BAZ2B: variants seen among roughly 807,000 people sequenced by gnomAD.
BAZ2B encodes bromodomain adjacent to zinc finger domain protein 2B.
BAZ2B carries 91 observed loss-of-function variants against 246.0 expected under a neutral mutation model. The observed-to-expected ratio is 0.37, with a 90% CI of 0.31 to 0.44. The LOEUF (loss-of-function observed/expected upper bound fraction) is 0.44, where lower values mean the gene tolerates loss of function less well. Among genes scored for constraint, BAZ2B ranks in the 20% least tolerant of loss-of-function variants. The pLI is 1.00. For synonymous variants in BAZ2B, 855 were observed against 860.0 expected (o/e 0.99, Z 0.10); for missense variants, 2,332 against 2,533.7 (o/e 0.92, Z 1.71).
intron 1 of BAZ2B, among the ~76,000 whole-genome samples, chr2:159,565,269 G>A (rs968339417): frequency 6.6e-6 from 1 of 152,190 alleles, no homozygotes; most frequent in Non-Finnish European, 1.5e-5. Flanking sequence ...GTGAGATGAG[G>A]ATATGAAAGC....
intron 31 of BAZ2B, among the ~76,000 whole-genome samples, chr2:159,345,720 A>G (rs2067668691): frequency 1.3e-5 from 2 of 149,816 alleles, no homozygotes; most frequent in South Asian, 2.1e-4. Context: ...GGCTTATGGA[A>G]CCAATCAAAT....
chr2:159,676,668 C>CACACACACAT, the BAZ2B span, among the ~76,000 whole-genome samples: 1 of 151,600 alleles, frequency 6.6e-6, no homozygotes, highest in African/African-American at 2.4e-5. Flanking sequence ...CACACACACA[C>CACACACACAT]ACACACACAC....
chr2:159,450,559 T>C (rs1045250501), intron 4 of BAZ2B, among the ~76,000 whole-genome samples: 1 of 152,146 alleles, frequency 6.6e-6, no homozygotes, highest in African/African-American at 2.4e-5. Context: ...TACTATTTCA[T>C]AGGAAATAAT....
At chr2:159,505,753 T>C (rs1289067265) in intron 2 of BAZ2B, among the ~76,000 whole-genome samples, 1 of 152,168 alleles carries the variant, frequency 6.6e-6, no homozygotes, top group African/African-American at 2.4e-5. Flanking sequence ...TTCATCATCA[T>C]CTTAAGCCCC....
the BAZ2B span, among the ~76,000 whole-genome samples, chr2:159,692,033 G>T: frequency 6.6e-6 from 1 of 152,096 alleles, no homozygotes; most frequent in African/African-American, 2.4e-5. Flanking sequence ...GTTTATATGT[G>T]TAAGTTTTGA....
At chr2:159,481,672 T>G (rs1229207565) in intron 2 of BAZ2B, among the ~76,000 whole-genome samples, 2 of 151,856 alleles carry the variant, frequency 1.3e-5, no homozygotes, top group East Asian at 3.9e-4. Flanking sequence ...GTGGTATTCT[T>G]CCCAAAACTA....
At chr2:159,551,984 G>A (rs970098683) in intron 2 of BAZ2B, among the ~76,000 whole-genome samples, 1 of 152,164 alleles carries the variant, frequency 6.6e-6, no homozygotes, top group Non-Finnish European at 1.5e-5. Flanking sequence ...ACTGACTCAT[G>A]ATCACATCAG....
intron 1 of BAZ2B, among the ~76,000 whole-genome samples, chr2:159,601,201 A>G (rs1692049172): frequency 6.6e-6 from 1 of 152,218 alleles, no homozygotes; most frequent in Non-Finnish European, 1.5e-5. Context: ...ATCAACATCT[A>G]TACCTGTAGC....
At chr2:159,631,281 T>G in the BAZ2B span, among the ~76,000 whole-genome samples, 1 of 152,256 alleles carries the variant, frequency 6.6e-6, no homozygotes, top group Non-Finnish European at 1.5e-5. Context: ...ATAAAAACTC[T>G]GTGATACTGA....
At chr2:159,424,252 G>A (rs1052657102) in intron 13 of BAZ2B, among the ~76,000 whole-genome samples, 1 of 151,986 alleles carries the variant, frequency 6.6e-6, no homozygotes, top group African/African-American at 2.4e-5. Context: ...ATAGGCTGTT[G>A]CTTCTCTTTC....
chr2:159,517,583 G>A (rs2083561230), intron 2 of BAZ2B, among the ~76,000 whole-genome samples: 1 of 152,090 alleles, frequency 6.6e-6, no homozygotes, highest in South Asian at 2.1e-4. Flanking sequence ...GCTCTTAAGA[G>A]CCCGTTACAA....
Position 159,373,110 on chromosome 2 carries a change from C to T in BAZ2B, c.4148G>A (p.Arg1383Lys), listed in dbSNP as rs1463640367. The T allele has an allele frequency of 6.2e-7, 1 of 1,614,110 alleles. No individual in the cohort carries two copies. Among genetic ancestry groups the T allele is most frequent in the South Asian group, 1.1e-5 (1 of 91,088 alleles). Residue 1383 changes from arginine (R) to lysine (K), a missense_variant, in exon 27 of 37, where the codon AGA (arginine) becomes AAA (lysine). By Grantham distance (26) the Arg-to-Lys change is conservative. Around this residue, in one of 9 missense-constraint regions of BAZ2B, gnomAD observed 676 missense variants for 668.6 expected, o/e 1.01. Coordinates refer to ENST00000392783, the MANE Select transcript of BAZ2B (RefSeq NM_013450.4). ...RSVMFGQDRY[R>K]RRYWILPQCG... ...TTGGGGAAGAATCCAGTACCGGCGT[C>T]TGTAACGATCTTGGCCAAACATCAC...
At chr2:159,466,353 G>A (rs1239193332) in intron 3 of BAZ2B, among the ~76,000 whole-genome samples, 2 of 152,134 alleles carry the variant, frequency 1.3e-5, no homozygotes, top group South Asian at 2.1e-4. Flanking sequence ...TCTTAGTCCT[G>A]TAAATTCATC....
At chr2:159,455,761 T>TG (rs1215155608) in intron 3 of BAZ2B, among the ~76,000 whole-genome samples, 4 of 114,266 alleles carry the variant, frequency 3.5e-5, no homozygotes, top group Non-Finnish European at 5.5e-5. Context: ...AGAAATATTG[T>TG]GGTTTTTTTT....
At chr2:159,574,216 T>C (rs1379771518) in intron 1 of BAZ2B, among the ~76,000 whole-genome samples, 1 of 151,460 alleles carries the variant, frequency 6.6e-6, no homozygotes, top group Non-Finnish European at 1.5e-5. Context: ...AGATATTTTA[T>C]CAAAAGAAGA....
At chr2:159,664,703 C>T in the BAZ2B span, among the ~76,000 whole-genome samples, 4 of 76,668 alleles carry the variant, frequency 5.2e-5, no homozygotes, top group East Asian at 7.2e-4. Flanking sequence ...TCATGTCCTT[C>T]GCCCACTTTT....
Position 159,616,299 on chromosome 2 carries a change from T to C in BAZ2B, c.-103A>G, listed in dbSNP as rs1384191650. Reference sequence around the variant, plus strand: ...GGATTTTTGCCTTTTCCCCAGATGGTTGAAGGTTAAGATTTTTGGAAACCC... The same window carrying C: ...GGATTTTTGCCTTTTCCCCAGATGGCTGAAGGTTAAGATTTTTGGAAACCC... On this transcript the variant is annotated 5_prime_UTR_variant, in exon 1 of 37. Transcript: ENST00000392783. 1 of 152,242 alleles carries C rather than the reference T, an allele frequency of 6.6e-6. No homozygotes were observed. Among genetic ancestry groups the C allele is most frequent in the African/African-American group, 2.4e-5 (1 of 41,452 alleles). 9.4% of individuals were successfully genotyped at this position (152,242 alleles called of 1,614,324 possible).
intron 1 of BAZ2B, among the ~76,000 whole-genome samples, chr2:159,574,538 A>G (rs1174795747): frequency 6.6e-6 from 1 of 152,196 alleles, no homozygotes; most frequent in Non-Finnish European, 1.5e-5. Flanking sequence ...CAAGAGAACT[A>G]CAAACATATG....
chr2:159,706,387 C>G, the BAZ2B span, among the ~76,000 whole-genome samples: 13 of 152,298 alleles, frequency 8.5e-5, no homozygotes, highest in Admixed American at 7.2e-4. Flanking sequence ...TGCTGCCTAA[C>G]TTGGCAGAAG....
Sources: gnomAD v4.1 joint callset for allele counts (sites outside exome capture counted in the v4.1 genomes callset) on GRCh38, gnomAD v4.1.1 for gene constraint, gnomAD v4.1.1 regional missense constraint, MANE v1.5 for transcripts, NCBI Gene and HGNC (gene_info 2026-07-23, HGNC 2026-07-21) for gene names.